Variants in CEP63 observed in about 807,000 individuals in gnomAD.
The protein encoded by CEP63 is centrosomal protein 63.
Under a neutral mutation model 89.1 loss-of-function variants are expected in CEP63, and 84 were observed. That is an observed-to-expected ratio of 0.94 (90% CI 0.79 to 1.13). The LOEUF is 1.13. Among genes scored for constraint, CEP63 ranks in the 50% most tolerant of loss-of-function variants. The probability of loss-of-function intolerance (pLI) is 0.00; values close to 1 mark genes in which losing one functional copy is unlikely to be tolerated. For synonymous variants in CEP63, 267 were observed against 272.5 expected, an observed-to-expected ratio of 0.98 and a Z score of 0.20; for missense variants, 838 against 813.3, an observed-to-expected ratio of 1.03 and a Z score of -0.37.
chr3:134,552,105 A>C (rs1457260058), intron 12 of CEP63, 93 bp downstream of exon 12: 1 of 702,892 alleles, frequency 1.4e-6, no homozygotes, highest in Non-Finnish European at 2.4e-6. Context: ...AATTAAGATC[A>C]ACTTAGATCC....
the CEP63 span, among the ~76,000 whole-genome samples, chr3:134,738,056 A>G: frequency 2.0e-5 from 3 of 152,212 alleles, no homozygotes; most frequent in Non-Finnish European, 4.4e-5. Context: ...GAGGCCACCA[A>G]AGTGACAGTC....
At chr3:134,620,730 A>G in the CEP63 span, 1 of 1,592,308 alleles carries the variant, frequency 6.3e-7, no homozygotes, top group East Asian at 2.2e-5. Context: ...AGAGCCAGAA[A>G]TTCCACAGGG....
chr3:134,598,872 TCA>T, the CEP63 span, among the ~76,000 whole-genome samples: 1,427 of 152,336 alleles, frequency 9.4e-3, 15 homozygotes, highest in African/African-American at 0.033. Flanking sequence ...CCGTTAACTT[TCA>T]GTTTCCTTTA....
At chr3:134,604,150 A>G in the CEP63 span, 1 of 1,608,258 alleles carries the variant, frequency 6.2e-7, no homozygotes, top group Admixed American at 1.7e-5. Context: ...GGTGTGGATG[A>G]TAGGGTCAGG....
intron 6 of CEP63, among the ~76,000 whole-genome samples, chr3:134,544,393 G>A (rs1442495217): frequency 1.3e-5 from 2 of 152,110 alleles, no homozygotes; most frequent in Non-Finnish European, 2.9e-5. Flanking sequence ...GTCAGTAAAC[G>A]TATCATTCAG....
chr3:134,564,667 A>G lies in CEP63; in HGVS notation c.*3132A>G, dbSNP rs1957651356. On this transcript the variant is annotated 3_prime_UTR_variant, in exon 15 of 15. Transcript: ENST00000675561. ...GGTCGAGAAGATTTACTGAAAATAT[A>G]TATTTGAAAGGGCTTTGCAGTTTTA... 3 of 985,242 alleles carry G rather than the reference A, an allele frequency of 3.0e-6. No homozygotes were observed. The highest frequency in any genetic ancestry group is 4.7e-5 in the South Asian group (1 of 21,286). The allele number at this position is 985,242 out of a possible 1,614,324, so 61.0% of individuals were successfully genotyped here. A position where few individuals can be genotyped will look rare whatever the true frequency, so the allele number is the denominator to read the frequency against.
At chr3:134,547,610 A>ATTTATTTTTTTTTTTTTT in intron 9 of CEP63, 138 bp downstream of exon 9, 15 of 226,798 alleles carry the variant, frequency 6.6e-5, no homozygotes, top group Middle Eastern at 1.1e-3. Flanking sequence ...CTAAGTTCTT[A>ATTTATTTTTTTTTTTTTT]TTTCTTTTTT....
At chr3:134,680,652 T>C in the CEP63 span, among the ~76,000 whole-genome samples, 1 of 152,132 alleles carries the variant, frequency 6.6e-6, no homozygotes, top group African/African-American at 2.4e-5. Context: ...AGGTTTTAGT[T>C]TGGGGAAGTC....
the CEP63 span, among the ~76,000 whole-genome samples, chr3:134,664,982 C>G: frequency 6.6e-6 from 1 of 152,130 alleles, no homozygotes; most frequent in South Asian, 2.1e-4. Context: ...GCAACAGGGG[C>G]AGGGGAGGGA....
chr3:134,747,670 T>C, the CEP63 span, among the ~76,000 whole-genome samples: 74 of 152,036 alleles, frequency 4.9e-4, no homozygotes, highest in South Asian at 6.2e-4. Context: ...CCCACACACC[T>C]GCAAACAAGA....
the CEP63 span, among the ~76,000 whole-genome samples, chr3:134,766,921 G>A: frequency 1.3e-5 from 2 of 152,190 alleles, no homozygotes; most frequent in African/African-American, 4.8e-5. Context: ...TTAACAACTG[G>A]CTTGAGAGGT....
the CEP63 span, among the ~76,000 whole-genome samples, chr3:134,755,478 A>G: frequency 6.6e-6 from 1 of 152,146 alleles, no homozygotes; most frequent in Non-Finnish European, 1.5e-5. Context: ...GGGTGACTGC[A>G]AGGCTCCTCC....
the CEP63 span, among the ~76,000 whole-genome samples, chr3:134,713,674 G>T: frequency 3.3e-5 from 5 of 152,220 alleles, no homozygotes; most frequent in East Asian, 1.9e-4. Flanking sequence ...TATGAGATTG[G>T]TCTTGGGCCA....
chr3:134,495,365 G>T lies in CEP63; in HGVS notation c.44+1G>T. The stretch of plus-strand genomic sequence containing the variant: ...GAATACAAAATCGAGGGCATGGTGG[G>T]TAAGTTTGCTTTTTTTAAAATTAAT... On this transcript the variant is annotated splice_donor_variant, in intron 2 of 14. Coordinates refer to ENST00000675561, the MANE Select transcript of CEP63 (RefSeq NM_001353108.3). LOFTEE classifies it high-confidence loss of function. 2 of 1,609,304 alleles carry T rather than the reference G, an allele frequency of 1.2e-6. No individual in the cohort carries two copies. The highest frequency in any genetic ancestry group is 1.7e-6 in the Non-Finnish European group (2 of 1,175,890).
the CEP63 span, chr3:134,608,445 C>CT: frequency 2.6e-6 from 4 of 1,518,492 alleles, no homozygotes; most frequent in Non-Finnish European, 3.5e-6. Context: ...CTGATGTGGC[C>CT]TATGGCCCTT....
chr3:134,777,353 A>G, the CEP63 span, among the ~76,000 whole-genome samples: 4 of 152,268 alleles, frequency 2.6e-5, no homozygotes, highest in Admixed American at 2.6e-4. Flanking sequence ...CTTCTCCTTG[A>G]TCAGCCACAC....
intron 1 of CEP63, among the ~76,000 whole-genome samples, chr3:134,489,243 C>G (rs1484255629): frequency 2.6e-5 from 4 of 151,814 alleles, no homozygotes. Flanking sequence ...TGCCTGGTGG[C>G]TGCTTTTTGA....
chr3:134,773,580 A>G, the CEP63 span, among the ~76,000 whole-genome samples: 4 of 152,140 alleles, frequency 2.6e-5, no homozygotes, highest in South Asian at 2.1e-4. Context: ...TTAAATCACA[A>G]CTCAGAATAA....
At chr3:134,752,786 G>A in the CEP63 span, among the ~76,000 whole-genome samples, 2 of 152,056 alleles carry the variant, frequency 1.3e-5, no homozygotes, top group Non-Finnish European at 2.9e-5. Flanking sequence ...TTAAAATTCA[G>A]GGCTGACAAG....
Sources: gnomAD v4.1 joint callset for allele counts (sites outside exome capture counted in the v4.1 genomes callset) on GRCh38, gnomAD v4.1.1 for gene constraint, MANE v1.5 for transcripts, NCBI Gene and HGNC (gene_info 2026-07-23, HGNC 2026-07-21) for gene names.